The following FIG4 variants were observed in gnomAD, a reference collection of about 807,000 sequenced individuals.
FIG4 encodes the protein FIG4 phosphoinositide 5-phosphatase.
Under a neutral mutation model 118.6 loss-of-function variants are expected in FIG4, and 112 were observed. The observed-to-expected ratio is 0.94, with a 90% confidence interval of 0.81 to 1.11. FIG4 has a LOEUF of 1.11. FIG4 is among the 50% of genes least tolerant of loss of function. The pLI, the probability that FIG4 is intolerant of heterozygous loss-of-function variation, is 0.00. For missense variants in FIG4, 969 were observed against 1,111.7 expected, an observed-to-expected ratio of 0.87 and a Z score of 1.83; for synonymous variants, 369 against 381.2, an observed-to-expected ratio of 0.97 and a Z score of 0.37.
At chr6:109,694,388 T>C (rs1698582251) in intron 1 of FIG4, among the ~76,000 whole-genome samples, 1 of 152,200 alleles carries the variant, frequency 6.6e-6, no homozygotes, top group African/African-American at 2.4e-5. Context: ...GATATCCATG[T>C]GCAGAATGAA....
At chr6:109,693,477 A>G (rs1774612246) in intron 1 of FIG4, among the ~76,000 whole-genome samples, 1 of 152,198 alleles carries the variant, frequency 6.6e-6, no homozygotes, top group African/African-American at 2.4e-5. Flanking sequence ...TCCAGAACTC[A>G]GCTGTGACCC....
chr6:109,733,886 C>A (rs935029275), intron 5 of FIG4, among the ~76,000 whole-genome samples: 1 of 151,900 alleles, frequency 6.6e-6, no homozygotes, highest in Admixed American at 6.6e-5. Flanking sequence ...GTGATCAAGT[C>A]ATTCTATAAG....
rs772043144 is a variant in FIG4, at chr6:109,791,634, C to T, written c.2376+63C>T. ...CCCTGGAAAATGATCTTTACAACTC[C>T]GCTTTCAGTTAAAAGGCTGAGAGCA... On this transcript the variant is annotated intron_variant, in intron 20 of 22. Transcript: ENST00000230124. 2.8e-5 allele frequency: 41 copies of T among 1,464,310 alleles called. No individual in the cohort carries two copies. In the South Asian group the frequency reaches 4.0e-4, roughly 14 times the overall value. 90.7% of individuals were successfully genotyped at this position (1,464,310 alleles called of 1,614,324 possible). A position where few individuals can be genotyped will look rare whatever the true frequency, so the allele number is the denominator to read the frequency against.
chr6:109,743,193 A>G lies in FIG4; in HGVS notation c.960A>G (p.Ser320=), dbSNP rs2128386967. ...VMSFTAGSYS[S]YVQVRGSVPL... is the part of the protein sequence containing the mutation. ...CTTTCACTGCAGGAAGTTATTCTTCATATGTACAAGTTAGAGGATCTGTGC... is the reference window on the plus strand; with the variant it reads ...CTTTCACTGCAGGAAGTTATTCTTCGTATGTACAAGTTAGAGGATCTGTGC... Residue 320 remains serine (S), a synonymous_variant, in exon 9 of 23, where the codon TCA becomes TCG. Coordinates refer to ENST00000230124, the MANE Select transcript of FIG4 (RefSeq NM_014845.6). 2 of 1,613,050 alleles carry G rather than the reference A, an allele frequency of 1.2e-6. No homozygotes were observed. The highest frequency in any genetic ancestry group is 1.7e-6 in the Non-Finnish European group (2 of 1,179,274).
At chr6:109,710,597 T>C (rs897850545) in intron 1 of FIG4, among the ~76,000 whole-genome samples, 3 of 151,704 alleles carry the variant, frequency 2.0e-5, no homozygotes, top group Admixed American at 6.6e-5. Flanking sequence ...GATTTTTGTT[T>C]TGTTGTTGTT....
Position 109,821,973 on chromosome 6 carries a change from G to A in FIG4, c.2547-3115G>A, listed in dbSNP as rs1233740807. Among the ~76,000 whole-genome samples the A allele has an allele frequency of 2.6e-5, 4 of 152,156 alleles. No individual in the cohort carries two copies. The East Asian group carries it at 7.7e-4, about 29-fold the overall frequency. On this transcript the variant is annotated intron_variant, in intron 22 of 22. Transcript: ENST00000230124. ...GAGGATCGCCTGAGCCCAGGAGTTCGAGGTTGCAGTGAGCCATGATCGCTC... is the reference window on the plus strand; with the variant it reads ...GAGGATCGCCTGAGCCCAGGAGTTCAAGGTTGCAGTGAGCCATGATCGCTC...
intron 1 of FIG4, among the ~76,000 whole-genome samples, chr6:109,708,278 G>C: frequency 6.6e-6 from 1 of 152,160 alleles, no homozygotes; most frequent in South Asian, 2.1e-4. Context: ...ATGGCCTCCA[G>C]CTCCATCCAT....
chr6:109,720,118 C>T (rs1317797151), intron 3 of FIG4, among the ~76,000 whole-genome samples: 11 of 152,116 alleles, frequency 7.2e-5, no homozygotes, highest in African/African-American at 2.7e-4. Flanking sequence ...TAAAGTAAGA[C>T]AATAACGTAC....
At chr6:109,807,179 C>T (rs1024764915) in intron 22 of FIG4, among the ~76,000 whole-genome samples, 4 of 152,146 alleles carry the variant, frequency 2.6e-5, no homozygotes, top group Admixed American at 2.0e-4. Flanking sequence ...CTTGAGGAAT[C>T]GTCACACGGT....
chr6:109,712,314 G>T (rs894338448), intron 1 of FIG4, among the ~76,000 whole-genome samples: 1 of 152,146 alleles, frequency 6.6e-6, no homozygotes, highest in Non-Finnish European at 1.5e-5. Flanking sequence ...AGATGGGTTG[G>T]GGAATTTCTC....
At chr6:109,793,963 T>C (rs17070970) in intron 21 of FIG4, among the ~76,000 whole-genome samples, 13,748 of 152,136 alleles carry the variant, frequency 0.09, 1,340 homozygotes, top group African/African-American at 0.24. Flanking sequence ...GTAGCCAAAC[T>C]CTGTAGTAGT....
At chr6:109,806,975 G>A (rs1403427126) in intron 22 of FIG4, among the ~76,000 whole-genome samples, 3 of 152,112 alleles carry the variant, frequency 2.0e-5, no homozygotes, top group Admixed American at 1.3e-4. Context: ...TGGTGTATTT[G>A]TGCCACATTT....
chr6:109,722,868 TTGG>T (rs931344141), intron 3 of FIG4, among the ~76,000 whole-genome samples: 9 of 151,938 alleles, frequency 5.9e-5, no homozygotes, highest in African/African-American at 1.7e-4. Flanking sequence ...CAACACAGAG[TTGG>T]TGGGGATGAG....
chr6:109,792,736 CTTTTTTTT>C, intron 21 of FIG4, 72 bp downstream of exon 21: 5 of 429,902 alleles, frequency 1.2e-5, no homozygotes, highest in African/African-American at 7.6e-5. Context: ...ACTACTATAC[CTTTTTTTT>C]TTTTTTTTTT....
At chr6:109,743,367 AGGAGGTTTTAGTCCTGGAAGG>A in intron 9 of FIG4, 95 bp downstream of exon 9, 4 of 1,221,958 alleles carry the variant, frequency 3.3e-6, no homozygotes, top group Non-Finnish European at 4.8e-6. Flanking sequence ...TTAGGTTTTC[AGGAGGTTTTAGTCCTGGAAGG>A]TAGATAATTT....
intron 10 of FIG4, among the ~76,000 whole-genome samples, chr6:109,754,165 C>G (rs139859003): frequency 0.23 from 34,685 of 151,702 alleles, 4,220 homozygotes; most frequent in Middle Eastern, 0.32. Flanking sequence ...GTTGAATTTT[C>G]TCAAAGGCCT....
At chr6:109,772,004 C>G (rs911107349) in intron 15 of FIG4, among the ~76,000 whole-genome samples, 15 of 152,220 alleles carry the variant, frequency 9.9e-5, no homozygotes, top group Non-Finnish European at 7.3e-5. Context: ...AGCAAAACCT[C>G]TTGAAAGGGT....
chr6:109,695,587 CACACACACACACAG>C (rs1223450067), intron 1 of FIG4, among the ~76,000 whole-genome samples: 3 of 150,628 alleles, frequency 2.0e-5, no homozygotes, highest in Non-Finnish European at 4.4e-5. Context: ...AATACACACA[CACACACACACACAG>C]ACACACACAC....
At chr6:109,819,549 A>ACCTCC (rs1323478071) in intron 22 of FIG4, among the ~76,000 whole-genome samples, 1 of 152,014 alleles carries the variant, frequency 6.6e-6, no homozygotes, top group African/African-American at 2.4e-5. Flanking sequence ...GCTCACTGCA[A>ACCTCC]CCTCCGCCTC....
Sources: gnomAD v4.1 joint callset for allele counts (sites outside exome capture counted in the v4.1 genomes callset) on GRCh38, gnomAD v4.1.1 for gene constraint, MANE v1.5 for transcripts, NCBI Gene and HGNC (gene_info 2026-07-23, HGNC 2026-07-21) for gene names.